Variants in PLOD1 observed in about 807,000 individuals in gnomAD.
PLOD1 encodes procollagen-lysine,2-oxoglutarate 5-dioxygenase 1.
In PLOD1, 70 loss-of-function variants were observed where a neutral mutation model predicts 94.7. That is an observed-to-expected ratio of 0.74 (90% CI 0.61 to 0.90). The LOEUF (loss-of-function observed/expected upper bound fraction) is 0.90. Among genes scored for constraint, PLOD1 ranks in the 40% least tolerant of loss-of-function variants. The probability of loss-of-function intolerance (pLI) is 0.00; values close to 1 mark genes in which losing one functional copy is unlikely to be tolerated. For missense variants in PLOD1, 905 were observed against 972.7 expected (o/e 0.93, Z 0.93); for synonymous variants, 417 against 400.2 (o/e 1.04, Z -0.50).
Position 11,966,840 on chromosome 1 carries a change from C to A in PLOD1, c.1651-147C>A, listed in dbSNP as rs1197634164. 6 of 685,238 alleles carry A rather than the reference C, an allele frequency of 8.8e-6. No individual in the cohort carries two copies. In the African/African-American group the frequency reaches 1.1e-4, roughly 12 times the overall value. 42.4% of individuals were successfully genotyped at this position (685,238 alleles called of 1,614,324 possible). On this transcript the variant is annotated intron_variant, in intron 15 of 18. Transcript: ENST00000196061. Reference sequence around the variant, plus strand: ...CTGTCTCTGGGCTCTGCCTCCTCCTCCCCACTCAGTCTCTCCAGGATTGAC... The same window carrying A: ...CTGTCTCTGGGCTCTGCCTCCTCCTACCCACTCAGTCTCTCCAGGATTGAC...
chr1:11,957,096 C>A lies in PLOD1; in HGVS notation c.741+82C>A. 1.0e-6 allele frequency: 1 copy of A among 968,690 alleles called. No individual in the cohort carries two copies. The highest frequency in any genetic ancestry group is 1.7e-6 in the Non-Finnish European group (1 of 591,020). The allele number at this position is 968,690 out of a possible 1,614,324, so 60.0% of individuals were successfully genotyped here. On this transcript the variant is annotated intron_variant, in intron 7 of 18. Transcript: ENST00000196061. The surrounding 1 kb of genome is among the most constrained non-coding windows in gnomAD (Gnocchi z 4.1). ...TCTCACTGTGACCCCACAGTGTCTC[C>A]CTGGGGCCAGGGCCACCTTCCTGGG...
At position 11,963,525 on chromosome 1, in the gene PLOD1, C is replaced by A; in HGVS notation, c.1098-7C>A. ...GGTGCACTGACCCTGTGTCCTCCTCCTTGCAGAGACCTGTGCCGGCAGGAC... is the reference window on the plus strand; with the variant it reads ...GGTGCACTGACCCTGTGTCCTCCTCATTGCAGAGACCTGTGCCGGCAGGAC... On this transcript the variant is annotated splice_region_variant and splice_polypyrimidine_tract_variant and intron_variant, in intron 10 of 18. Transcript: ENST00000196061. This position sits in a 1 kb window ranked among gnomAD's most constrained non-coding sequence, Gnocchi z 4.3. 1 of 1,583,194 alleles carries A rather than the reference C, an allele frequency of 6.3e-7. No homozygotes were observed. The highest frequency in any genetic ancestry group is 8.6e-7 in the Non-Finnish European group (1 of 1,162,540).
chr1:11,967,113 T>C (rs751181122), intron 16 of PLOD1, 22 bp downstream of exon 16: 5 of 1,494,316 alleles, frequency 3.3e-6, no homozygotes, highest in Non-Finnish European at 4.7e-6. Flanking sequence ...ATGCCTGGGC[T>C]GGGGCCGCAG....
chr1:11,943,344 C>T (rs1353478507), intron 1 of PLOD1, among the ~76,000 whole-genome samples: 3 of 150,994 alleles, frequency 2.0e-5, no homozygotes, highest in African/African-American at 7.3e-5. Context: ...TCGCCCAGGC[C>T]GGACTGCAAT....
At chr1:11,973,092 C>A in intron 18 of PLOD1, 95 bp downstream of exon 18, 1 of 1,359,218 alleles carries the variant, frequency 7.4e-7, no homozygotes, top group Non-Finnish European at 1.0e-6. Flanking sequence ...AGAGGGGCCC[C>A]AGGTAACCAG....
At chr1:11,950,651 C>G in intron 4 of PLOD1, 131 bp downstream of exon 4, 1 of 767,114 alleles carries the variant, frequency 1.3e-6, no homozygotes, top group Non-Finnish European at 2.1e-6. Context: ...CTGAATAGAG[C>G]TCCTGACTTT....
chr1:11,947,774 G>A (rs1645666867), intron 1 of PLOD1, among the ~76,000 whole-genome samples: 1 of 152,198 alleles, frequency 6.6e-6, no homozygotes, highest in South Asian at 2.1e-4. Context: ...CAGTTACTGG[G>A]TGGAGGGAGC....
intron 12 of PLOD1, 23 bp downstream of exon 12, chr1:11,964,323 TGGG>T: frequency 3.6e-6 from 1 of 274,730 alleles, no homozygotes; most frequent in African/African-American, 4.6e-5. Context: ...AGGGTGGGGG[TGGG>T]TGGGGGACAC....
intron 1 of PLOD1, among the ~76,000 whole-genome samples, 195 bp from the exon 2 acceptor site, chr1:11,947,781 G>C (rs1645666902): frequency 1.3e-5 from 2 of 152,186 alleles, no homozygotes; most frequent in Non-Finnish European, 2.9e-5. Context: ...TGGGTGGAGG[G>C]AGCCCTGGAG....
Position 11,949,681 on chromosome 1 carries a change from A to G in PLOD1, c.169-92A>G, listed in dbSNP as rs569724013. The G allele has an allele frequency of 2.0e-5, 27 of 1,364,328 alleles. No homozygotes were observed. In the South Asian group the frequency reaches 3.2e-4, roughly 16 times the overall value. 84.5% of individuals were successfully genotyped at this position (1,364,328 alleles called of 1,614,324 possible). ...GTGGTCCACACGTCTCGGCCTCCCA[A>G]AGTGCTGGGATTACCAGCATGAGCC... On this transcript the variant is annotated intron_variant, in intron 2 of 18. Transcript: ENST00000196061.
At chr1:11,948,298 C>G (rs1419432730) in intron 2 of PLOD1, among the ~76,000 whole-genome samples, 1 of 152,058 alleles carries the variant, frequency 6.6e-6, no homozygotes, top group African/African-American at 2.4e-5. Context: ...AAGAAATGCT[C>G]AGATGTTAGT....
chr1:11,947,931 C>G (rs752908624), intron 1 of PLOD1, 45 bp from the exon 2 acceptor site: 1 of 1,252,072 alleles, frequency 8.0e-7, no homozygotes, highest in Non-Finnish European at 1.2e-6. Flanking sequence ...CCTGTCACCT[C>G]CCTCATCCTC....
At chr1:11,952,316 G>C (rs1645708775) in intron 4 of PLOD1, among the ~76,000 whole-genome samples, 1 of 152,222 alleles carries the variant, frequency 6.6e-6, no homozygotes, top group South Asian at 2.1e-4. Flanking sequence ...CTGCTCTCCA[G>C]GGGCTCCTCG....
chr1:11,944,729 T>TAATCCCTGCC (rs1258820880), intron 1 of PLOD1: 5 of 1,172,594 alleles, frequency 4.3e-6, no homozygotes, highest in Non-Finnish European at 5.6e-6. Context: ...GCACCGCAGC[T>TAATCCCTGCC]AATCCCTGCC....
In PLOD1 at chr1:11,957,429, G is replaced by A. The variant is rs1645746843; in HGVS notation, c.742-413G>A. ...AGGGACTGGGTGCAGATGCGGCCAG[G>A]GACAGAATGGACCTCACTGGTCCCT... On this transcript the variant is annotated intron_variant, in intron 7 of 18. Coordinates refer to ENST00000196061, the MANE Select transcript of PLOD1 (RefSeq NM_000302.4). The surrounding 1 kb of genome is among the most constrained non-coding windows in gnomAD (Gnocchi z 4.1). 6.6e-6 allele frequency among the ~76,000 whole-genome samples: 1 copy of A among 152,202 alleles called. No homozygotes were observed.
rs768317167 is a variant in PLOD1 at position 11,963,568 on chromosome 1, C to T, written c.1134C>T (p.Tyr378=). Residue 378 remains tyrosine (Y), a synonymous_variant, in exon 11 of 19, where the codon TAC becomes TAT. Transcript: ENST00000196061. The surrounding 1 kb of genome is among the most constrained non-coding windows in gnomAD (Gnocchi z 4.3). The part of the protein sequence containing the change: ...LCRQDRSCTY[Y]FSVDADVALT... The stretch of plus-strand genomic sequence containing the variant: ...GGCAGGACCGCAGCTGCACCTACTA[C>T]TTCAGCGTGGATGCTGACGTGGCCC... 3 of 1,604,756 alleles carry T rather than the reference C, an allele frequency of 1.9e-6. No individual in the cohort carries two copies. In the Admixed American group the frequency reaches 5.1e-5, roughly 28 times the overall value.
intron 4 of PLOD1, among the ~76,000 whole-genome samples, chr1:11,952,149 C>T (rs1400756885): frequency 2.0e-5 from 3 of 152,246 alleles, no homozygotes; most frequent in East Asian, 3.9e-4. Flanking sequence ...TGCTTGTCAC[C>T]AGTCTGTACT....
At chr1:11,974,509 A>G (rs1425832247) in intron 18 of PLOD1, 144 bp from the exon 19 acceptor site, 1 of 793,148 alleles carries the variant, frequency 1.3e-6, no homozygotes, top group African/African-American at 1.7e-5. Context: ...TGTCTTCCTT[A>G]GCAGCGCTTG....
rs1365739437 is a variant in PLOD1, at chr1:11,963,429, C to T, written c.1098-103C>T. On this transcript the variant is annotated intron_variant, in intron 10 of 18. Coordinates refer to ENST00000196061, the MANE Select transcript of PLOD1 (RefSeq NM_000302.4). This position sits in a 1 kb window ranked among gnomAD's most constrained non-coding sequence, Gnocchi z 4.3. ...GCTGCTGGTGTGACCTCTCTAAAGCCCCTTGGCTGATATGTGGTGAAGCCA... is the reference window on the plus strand; with the variant it reads ...GCTGCTGGTGTGACCTCTCTAAAGCTCCTTGGCTGATATGTGGTGAAGCCA... 1 of 771,680 alleles carries T rather than the reference C, an allele frequency of 1.3e-6. No individual in the cohort carries two copies. The highest frequency in any genetic ancestry group is 2.7e-5 in the East Asian group (1 of 37,472). 47.8% of individuals were successfully genotyped at this position (771,680 alleles called of 1,614,324 possible). A position where few individuals can be genotyped will look rare whatever the true frequency, so the allele number is the denominator to read the frequency against.
Sources: gnomAD v4.1 joint callset for allele counts (sites outside exome capture counted in the v4.1 genomes callset) on GRCh38, gnomAD v4.1.1 for gene constraint, Gnocchi (gnomAD v3.1) non-coding constraint, MANE v1.5 for transcripts, NCBI Gene and HGNC (gene_info 2026-07-23, HGNC 2026-07-21) for gene names.